Variants in STX8 observed in about 807,000 individuals in gnomAD.
STX8 encodes the protein syntaxin 8, also known as syntaxin-8.
In STX8, 23 loss-of-function variants were observed where a neutral mutation model predicts 37.5. The observed-to-expected ratio is 0.61, with a 90% CI of 0.44 to 0.87. The LOEUF (loss-of-function observed/expected upper bound fraction) is 0.87. STX8 is among the 40% of genes least tolerant of loss of function. The pLI is 0.00. For synonymous variants in STX8, 115 were observed against 99.1 expected (o/e 1.16, Z -0.95); for missense variants, 313 against 284.7 (o/e 1.10, Z -0.71).
intron 6 of STX8, among the ~76,000 whole-genome samples, chr17:9,415,026 G>T (rs1183700320): frequency 2.0e-5 from 3 of 151,718 alleles, no homozygotes; most frequent in Non-Finnish European, 2.9e-5. Context: ...CCTGACCTCA[G>T]GTGGCCCACC....
intron 7 of STX8, among the ~76,000 whole-genome samples, chr17:9,320,127 G>A (rs1909526144): frequency 6.6e-6 from 1 of 151,988 alleles, no homozygotes; most frequent in South Asian, 2.1e-4. Context: ...GAGGTCAGGA[G>A]TTCAAGACCA....
chr17:9,443,360 C>T (rs1229639103), intron 6 of STX8, among the ~76,000 whole-genome samples: 2 of 152,172 alleles, frequency 1.3e-5, no homozygotes, highest in Admixed American at 6.5e-5. Context: ...AATGTACCTA[C>T]TATATGTAAG....
Position 9,472,445 on chromosome 17 carries a change from C to T in STX8, c.541+19384G>A, listed in dbSNP as rs150408667. The stretch of plus-strand genomic sequence containing the variant: ...TAAACCTGGAGGTTGTCTTGGGGAC[C>T]CCCACCGTAGCCTCCAAGGAGAGAC... On this transcript the variant is annotated intron_variant, in intron 6 of 7. Transcript: ENST00000306357. Among the ~76,000 whole-genome samples, 687 of 152,276 alleles carry T rather than the reference C, an allele frequency of 4.5e-3. 4 individuals carry two copies. The highest frequency in any genetic ancestry group is 0.016 in the African/African-American group (646 of 41,560).
chr17:9,430,837 G>C (rs1913936257), intron 6 of STX8, among the ~76,000 whole-genome samples: 1 of 152,064 alleles, frequency 6.6e-6, no homozygotes, highest in African/African-American at 2.4e-5. Context: ...TTTTAGTAGA[G>C]ACGGGATTTC....
At chr17:9,262,320 G>T (rs1907067874) in intron 7 of STX8, among the ~76,000 whole-genome samples, 1 of 152,236 alleles carries the variant, frequency 6.6e-6, no homozygotes, top group South Asian at 2.1e-4. Flanking sequence ...CTCAAGTGAG[G>T]CCAACAAGGT....
intron 6 of STX8, among the ~76,000 whole-genome samples, chr17:9,426,519 T>G (rs1913636359): frequency 6.6e-6 from 1 of 151,948 alleles, no homozygotes. Context: ...AAAGCAAAAC[T>G]CCATCTTGAA....
At chr17:9,340,987 TA>T (rs1910336956) in intron 7 of STX8, among the ~76,000 whole-genome samples, 2 of 146,428 alleles carry the variant, frequency 1.4e-5, no homozygotes, top group African/African-American at 2.5e-5. Context: ...AAATTTAAAT[TA>T]TAAATTATAA....
intron 6 of STX8, among the ~76,000 whole-genome samples, chr17:9,460,543 G>A (rs770195804): frequency 2.0e-5 from 3 of 151,724 alleles, no homozygotes; most frequent in Non-Finnish European, 4.4e-5. Flanking sequence ...CCTGGTGGTG[G>A]GCGCCTGTAG....
rs144495681 is a variant in STX8 at position 9,342,593 on chromosome 17, G to C, written c.643+35959C>G. ...CAAACACAAATACCGGTGTGGGCTGGCTTCTTGTCTGGGTTTCAAGTGTGT... is the reference window on the plus strand; with the variant it reads ...CAAACACAAATACCGGTGTGGGCTGCCTTCTTGTCTGGGTTTCAAGTGTGT... On this transcript the variant is annotated intron_variant, in intron 7 of 7. Coordinates refer to ENST00000306357, the MANE Select transcript of STX8 (RefSeq NM_004853.3). Among the ~76,000 whole-genome samples, 262 of 152,278 alleles carry C rather than the reference G, an allele frequency of 1.7e-3. 1 individual carries two copies. The highest frequency in any genetic ancestry group is 5.4e-3 in the African/African-American group (226 of 41,568).
chr17:9,543,409 T>C (rs551459952), intron 4 of STX8, among the ~76,000 whole-genome samples: 1 of 152,118 alleles, frequency 6.6e-6, no homozygotes, highest in Non-Finnish European at 1.5e-5. Context: ...TTCTCCTGCC[T>C]CAGCCTCCTG....
At chr17:9,533,512 C>T (rs1905902326) in intron 4 of STX8, among the ~76,000 whole-genome samples, 1 of 152,112 alleles carries the variant, frequency 6.6e-6, no homozygotes, top group South Asian at 2.1e-4. Context: ...AAGTACTTCT[C>T]CTAAGCCTCT....
intron 6 of STX8, among the ~76,000 whole-genome samples, chr17:9,408,170 A>C (rs2142329500): frequency 6.6e-6 from 1 of 152,288 alleles, no homozygotes; most frequent in Non-Finnish European, 1.5e-5. Flanking sequence ...CAGACCCCTT[A>C]TATAGGAATT....
chr17:9,559,760 A>ATATAT lies in STX8; in HGVS notation c.118-2233_118-2232insATATA. 2.7e-3 allele frequency among the ~76,000 whole-genome samples: 66 copies of ATATAT among 24,496 alleles called. 2 individuals are homozygous for ATATAT. Among genetic ancestry groups the ATATAT allele is most frequent in the East Asian group, 5.4e-3 (2 of 368 alleles). The allele number at this position is 24,496 out of a possible 152,430, so 16.1% of individuals were successfully genotyped here. On this transcript the variant is annotated intron_variant, in intron 2 of 7. Coordinates refer to ENST00000306357, the MANE Select transcript of STX8 (RefSeq NM_004853.3). ...TATATATATATATATATATATATATATTTTTTTTTTTTTTTTTTTTGAGAC... is the reference window on the plus strand; with the variant it reads ...TATATATATATATATATATATATATATATATTTTTTTTTTTTTTTTTTTTTGAGAC...
intron 6 of STX8, among the ~76,000 whole-genome samples, chr17:9,423,108 C>T (rs1913503238): frequency 6.6e-6 from 1 of 152,204 alleles, no homozygotes; most frequent in Non-Finnish European, 1.5e-5. Context: ...TGCATATATA[C>T]ATATCTGGGT....
At chr17:9,398,137 T>C (rs1226984862) in intron 6 of STX8, among the ~76,000 whole-genome samples, 5 of 152,154 alleles carry the variant, frequency 3.3e-5, no homozygotes, top group Non-Finnish European at 7.4e-5. Context: ...GTAGGCTGCA[T>C]GTAGTGACTC....
At chr17:9,294,477 A>C (rs1908440266) in intron 7 of STX8, among the ~76,000 whole-genome samples, 1 of 152,200 alleles carries the variant, frequency 6.6e-6, no homozygotes, top group African/African-American at 2.4e-5. Flanking sequence ...GGAACATCTG[A>C]AGCCAGGCGT....
At chr17:9,434,942 C>T (rs768888473) in intron 6 of STX8, among the ~76,000 whole-genome samples, 6 of 152,196 alleles carry the variant, frequency 3.9e-5, no homozygotes, top group Non-Finnish European at 7.3e-5. Context: ...CATGGCACTG[C>T]TGGGAGTGCC....
intron 7 of STX8, among the ~76,000 whole-genome samples, chr17:9,314,939 T>G (rs969884072): frequency 3.3e-5 from 5 of 150,362 alleles, no homozygotes; most frequent in African/African-American, 9.8e-5. Context: ...CCGTCTCTAC[T>G]AAAAATACGA....
chr17:9,257,543 G>A (rs545115321), intron 7 of STX8, among the ~76,000 whole-genome samples: 5 of 144,194 alleles, frequency 3.5e-5, no homozygotes, highest in Admixed American at 2.1e-4. Flanking sequence ...CTTCTGCCCT[G>A]TAGCTGCAGG....
Sources: allele counts gnomAD v4.1 joint callset (sites outside exome capture counted in the v4.1 genomes callset), GRCh38; gene constraint gnomAD v4.1.1; transcripts MANE v1.5; gene names NCBI Gene and HGNC (gene_info 2026-07-23, HGNC 2026-07-21).